Variants in IMMP2L observed in about 807,000 individuals in gnomAD.
IMMP2L encodes inner mitochondrial membrane peptidase subunit 2, also known as mitochondrial inner membrane protease subunit 2.
Under a neutral mutation model 19.3 loss-of-function variants are expected in IMMP2L, and 18 were observed. The ratio of observed to expected loss-of-function variants is 0.93; its 90% confidence interval spans 0.64 to 1.38. IMMP2L has a LOEUF of 1.38. IMMP2L is among the 40% of genes most tolerant of loss of function. The pLI, the probability that IMMP2L is intolerant of heterozygous loss-of-function variation, is 0.00. For missense variants in IMMP2L, 233 were observed against 218.2 expected, an observed-to-expected ratio of 1.07 and a Z score of -0.43; for synonymous variants, 76 against 73.0, an observed-to-expected ratio of 1.04 and a Z score of -0.21.
intron 3 of IMMP2L, among the ~76,000 whole-genome samples, chr7:111,113,397 G>C (rs1483715368): frequency 6.7e-6 from 1 of 148,944 alleles, no homozygotes; most frequent in East Asian, 2.0e-4. Context: ...TTTTTTTTTT[G>C]TATACATGTC....
intron 5 of IMMP2L, among the ~76,000 whole-genome samples, chr7:110,861,420 C>T (rs1807419567): frequency 6.9e-6 from 1 of 144,376 alleles, no homozygotes; most frequent in Admixed American, 7.2e-5. Flanking sequence ...GCATGCACAA[C>T]CATGCCCAGC....
chr7:110,933,647 T>C (rs1401307757), intron 4 of IMMP2L, among the ~76,000 whole-genome samples: 1 of 152,222 alleles, frequency 6.6e-6, no homozygotes, highest in African/African-American at 2.4e-5. Flanking sequence ...TATAGGCTGT[T>C]GGTTTAGGAG....
chr7:111,118,754 A>G (rs1269186893), intron 3 of IMMP2L, among the ~76,000 whole-genome samples: 1 of 152,128 alleles, frequency 6.6e-6, no homozygotes, highest in Admixed American at 6.6e-5. Flanking sequence ...CACAGACTTA[A>G]GAAAAAGTCA....
intron 3 of IMMP2L, among the ~76,000 whole-genome samples, chr7:111,144,362 C>A (rs1306842375): frequency 6.6e-6 from 1 of 152,100 alleles, no homozygotes. Flanking sequence ...CAAGATAGAT[C>A]ATAATTTCTG....
In IMMP2L at chr7:110,682,578, T is replaced by C. The variant is rs146626770; in HGVS notation, c.409-18857A>G. ...AAAGAACAAGGTGATGGGGGGATGATCATTGCTTCTCACCCGCCTGGAAAG... is the reference window on the plus strand; with the variant it reads ...AAAGAACAAGGTGATGGGGGGATGACCATTGCTTCTCACCCGCCTGGAAAG... On this transcript the variant is annotated intron_variant, in intron 5 of 5. Transcript: ENST00000405709. 6.8e-3 allele frequency among the ~76,000 whole-genome samples: 1,035 copies of C among 152,208 alleles called. 6 individuals are homozygous for C. The highest frequency in any genetic ancestry group is 0.017 in the Middle Eastern group (5 of 294).
chr7:111,511,388 G>A (rs1845424735), intron 2 of IMMP2L, among the ~76,000 whole-genome samples: 1 of 152,110 alleles, frequency 6.6e-6, no homozygotes, highest in South Asian at 2.1e-4. Context: ...GCCAACACCT[G>A]TAATCCAGCA....
chr7:110,944,815 T>A (rs1191289265), intron 4 of IMMP2L, among the ~76,000 whole-genome samples: 2 of 152,054 alleles, frequency 1.3e-5, no homozygotes, highest in Admixed American at 1.3e-4. Flanking sequence ...TACATATAGA[T>A]CCTTTTCTCT....
intron 5 of IMMP2L, among the ~76,000 whole-genome samples, chr7:110,876,049 A>C (rs113815228): frequency 6.6e-6 from 1 of 152,164 alleles, no homozygotes; most frequent in East Asian, 1.9e-4. Context: ...ACATTTCTTT[A>C]TGAAAATATT....
chr7:111,378,190 A>C lies in IMMP2L; in HGVS notation c.239+109048T>G, dbSNP rs1830864243. 2.6e-5 allele frequency among the ~76,000 whole-genome samples: 4 copies of C among 151,966 alleles called. No individual in the cohort carries two copies. In the East Asian group the frequency reaches 7.7e-4, roughly 29 times the overall value. ...TAAAACAATTATATGTCAGGATGTA[A>C]GCAAAATTGCATGATAATCATCTTA... is the stretch of plus-strand genomic sequence containing the variant. On this transcript the variant is annotated intron_variant, in intron 3 of 5. Transcript: ENST00000405709.
chr7:110,834,889 T>C (rs745983004), intron 5 of IMMP2L, among the ~76,000 whole-genome samples: 1 of 152,092 alleles, frequency 6.6e-6, no homozygotes, highest in Non-Finnish European at 1.5e-5. Context: ...TCTCATGAAA[T>C]AGGTGCTTTT....
chr7:110,853,605 T>A (rs1806462538), intron 5 of IMMP2L, among the ~76,000 whole-genome samples: 1 of 152,148 alleles, frequency 6.6e-6, no homozygotes, highest in Admixed American at 6.6e-5. Context: ...AAGAAAAAAG[T>A]GTTTTCCTAT....
At chr7:111,393,013 T>G (rs1044595437) in intron 3 of IMMP2L, 2 of 348,256 alleles carry the variant, frequency 5.7e-6, no homozygotes, top group African/African-American at 4.3e-5. Flanking sequence ...ATAAGCGTTA[T>G]TCATTAAATC....
At chr7:110,973,500 G>T (rs771032155) in intron 3 of IMMP2L, among the ~76,000 whole-genome samples, 2 of 152,036 alleles carry the variant, frequency 1.3e-5, no homozygotes, top group African/African-American at 2.4e-5. Context: ...ATTTATTGAG[G>T]CATGTGTTTT....
chr7:110,859,838 G>GT (rs1317782902), intron 5 of IMMP2L, among the ~76,000 whole-genome samples: 1 of 151,846 alleles, frequency 6.6e-6, no homozygotes, highest in African/African-American at 2.4e-5. Context: ...GTAAAGTGTA[G>GT]TTTTTTTAGT....
intron 3 of IMMP2L, among the ~76,000 whole-genome samples, chr7:111,401,277 A>C (rs1833399856): frequency 6.6e-6 from 1 of 152,172 alleles, no homozygotes; most frequent in South Asian, 2.1e-4. Context: ...TTTTAACTCA[A>C]ACATTTTCTG....
chr7:110,834,295 T>C (rs1804233138), intron 5 of IMMP2L, among the ~76,000 whole-genome samples: 1 of 152,110 alleles, frequency 6.6e-6, no homozygotes, highest in African/African-American at 2.4e-5. Context: ...CAGCAGCCTG[T>C]CATGTAAGAA....
rs1418750301 is a variant in IMMP2L at position 111,183,498 on chromosome 7, T to C, written c.240-219933A>G. Among the ~76,000 whole-genome samples, 3 of 152,216 alleles carry C rather than the reference T, an allele frequency of 2.0e-5. No homozygotes were observed. The East Asian group carries it at 5.8e-4, about 29-fold the overall frequency. ...CATAGCTTTCTTGGCTTCATTTTAC[T>C]GGGAGCCACTTGTATCATTTCAGAT... On this transcript the variant is annotated intron_variant, in intron 3 of 5. Transcript: ENST00000405709.
chr7:110,666,966 G>T (rs1305421863), intron 5 of IMMP2L, among the ~76,000 whole-genome samples: 1 of 152,060 alleles, frequency 6.6e-6, no homozygotes, highest in Non-Finnish European at 1.5e-5. Flanking sequence ...CCGCCTCCCA[G>T]GTTCATGCCA....
intron 5 of IMMP2L, among the ~76,000 whole-genome samples, chr7:110,885,198 T>C (rs1382709425): frequency 6.6e-6 from 1 of 151,954 alleles, no homozygotes; most frequent in Non-Finnish European, 1.5e-5. Flanking sequence ...TTTCGGAGTA[T>C]TTGCACTATA....
Sources: gnomAD v4.1 joint callset for allele counts (sites outside exome capture counted in the v4.1 genomes callset) on GRCh38, gnomAD v4.1.1 for gene constraint, MANE v1.5 for transcripts, NCBI Gene and HGNC (gene_info 2026-07-23, HGNC 2026-07-21) for gene names.